Variants in GREB1L observed in about 807,000 individuals in gnomAD.
The protein encoded by GREB1L is GREB1 like retinoic acid receptor coactivator.
A neutral mutation model predicts 200.8 loss-of-function variants in GREB1L; 17 were observed. The ratio of observed to expected loss-of-function variants is 0.08; its 90% CI spans 0.06 to 0.13. The LOEUF (loss-of-function observed/expected upper bound fraction) is 0.13. Ranked by LOEUF, GREB1L falls within the 10% of genes least tolerant of loss-of-function variation. The pLI is 1.00. For missense variants in GREB1L, 1,657 were observed against 2,367.7 expected (o/e 0.70, Z 6.23); for synonymous variants, 789 against 893.0 (o/e 0.88, Z 2.08).
intron 12 of GREB1L, 129 bp downstream of exon 12, chr18:21,449,965 ATCC>A: frequency 1.3e-6 from 1 of 741,552 alleles, no homozygotes; most frequent in Non-Finnish European, 2.1e-6. Flanking sequence ...GCTTGGGCTC[ATCC>A]TCCTAATTTT....
intron 1 of GREB1L, among the ~76,000 whole-genome samples, chr18:21,252,557 GAAAA>G (rs144115588): frequency 2.6e-5 from 2 of 77,440 alleles, no homozygotes; most frequent in South Asian, 4.6e-4. Flanking sequence ...AACTCCATCT[GAAAA>G]AAAAAAAAAA....
intron 15 of GREB1L, among the ~76,000 whole-genome samples, chr18:21,467,415 AT>A (rs778419363): frequency 9.2e-5 from 14 of 152,214 alleles, no homozygotes; most frequent in Non-Finnish European, 1.9e-4. Flanking sequence ...AAATTGTTTA[AT>A]TAAGATATGG....
intron 1 of GREB1L, among the ~76,000 whole-genome samples, chr18:21,302,528 G>T (rs1393717492): frequency 6.6e-6 from 1 of 152,168 alleles, no homozygotes; most frequent in East Asian, 1.9e-4. Flanking sequence ...ATTATTTCAG[G>T]TTACTGTTTT....
chr18:21,341,828 G>A (rs958574321), intron 1 of GREB1L, among the ~76,000 whole-genome samples: 4 of 152,124 alleles, frequency 2.6e-5, no homozygotes, highest in African/African-American at 9.7e-5. Context: ...AGTGTATTAG[G>A]TGTAAGGTCT....
intron 1 of GREB1L, among the ~76,000 whole-genome samples, chr18:21,325,246 A>C (rs538540868): frequency 2.0e-4 from 30 of 152,302 alleles, no homozygotes; most frequent in African/African-American, 6.3e-4. Context: ...GTGGACATGA[A>C]CCTTCTAGTC....
intron 1 of GREB1L, among the ~76,000 whole-genome samples, chr18:21,348,125 T>G (rs2039379102): frequency 6.6e-6 from 1 of 151,772 alleles, no homozygotes; most frequent in African/African-American, 2.4e-5. Flanking sequence ...TTTTGTATTT[T>G]TATTAGAGAC....
chr18:21,462,180 T>C (rs1247234550), intron 15 of GREB1L, among the ~76,000 whole-genome samples: 1 of 152,242 alleles, frequency 6.6e-6, no homozygotes, highest in Non-Finnish European at 1.5e-5. Flanking sequence ...AGGTGCGCCC[T>C]GCTGATATCC....
At chr18:21,475,154 GC>G (rs1233778046) in intron 16 of GREB1L, among the ~76,000 whole-genome samples, 1 of 152,146 alleles carries the variant, frequency 6.6e-6, no homozygotes, top group Non-Finnish European at 1.5e-5. Context: ...AGATGAATGA[GC>G]TCCTGGAAGG....
chr18:21,514,951 TC>T (rs1202383781), intron 28 of GREB1L, among the ~76,000 whole-genome samples: 2 of 152,154 alleles, frequency 1.3e-5, no homozygotes, highest in African/African-American at 2.4e-5. Flanking sequence ...CCCCCAAAAT[TC>T]AATAGCACTC....
At chr18:21,491,578 T>C (rs2036337786) in intron 19 of GREB1L, among the ~76,000 whole-genome samples, 2 of 151,810 alleles carry the variant, frequency 1.3e-5, no homozygotes, top group Admixed American at 1.3e-4. Flanking sequence ...CCAGGTGTGG[T>C]GGCGGGTGCC....
chr18:21,405,836 A>G (rs2030142457), intron 7 of GREB1L, among the ~76,000 whole-genome samples: 1 of 152,050 alleles, frequency 6.6e-6, no homozygotes, highest in African/African-American at 2.4e-5. Context: ...ATTAAAGAAC[A>G]ATAAAACAGG....
chr18:21,358,298 G>A (rs1392292780), intron 1 of GREB1L, among the ~76,000 whole-genome samples: 1 of 151,880 alleles, frequency 6.6e-6, no homozygotes, highest in Non-Finnish European at 1.5e-5. Flanking sequence ...AACAGTTATT[G>A]TATGTTCTCT....
intron 4 of GREB1L, among the ~76,000 whole-genome samples, chr18:21,388,880 G>C (rs910196721): frequency 6.6e-6 from 1 of 152,002 alleles, no homozygotes; most frequent in African/African-American, 2.4e-5. Flanking sequence ...ATTAGATTGA[G>C]GTTATGGGAT....
intron 7 of GREB1L, among the ~76,000 whole-genome samples, chr18:21,421,327 A>G (rs915168256): frequency 1.3e-5 from 2 of 152,224 alleles, no homozygotes; most frequent in African/African-American, 4.8e-5. Context: ...GATTAGGAAG[A>G]TACCTGATTT....
chr18:21,485,112 GTGGA>G (rs1204452873), intron 17 of GREB1L, among the ~76,000 whole-genome samples: 1 of 152,186 alleles, frequency 6.6e-6, no homozygotes, highest in African/African-American at 2.4e-5. Context: ...GTTAAATACT[GTGGA>G]TCCTGTTAAA....
intron 18 of GREB1L, among the ~76,000 whole-genome samples, chr18:21,489,806 T>C (rs1342488510): frequency 1.3e-5 from 2 of 152,162 alleles, no homozygotes; most frequent in African/African-American, 4.8e-5. Flanking sequence ...GCTGTACTTA[T>C]CCCAACAGGT....
At chr18:21,384,677 C>A (rs1471311573) in intron 4 of GREB1L, among the ~76,000 whole-genome samples, 1 of 152,116 alleles carries the variant, frequency 6.6e-6, no homozygotes, top group Non-Finnish European at 1.5e-5. Context: ...ATTGCAGAGG[C>A]AATTCTAAAC....
intron 7 of GREB1L, among the ~76,000 whole-genome samples, chr18:21,415,007 G>A (rs1377414670): frequency 6.6e-6 from 1 of 152,156 alleles, no homozygotes; most frequent in Admixed American, 6.5e-5. Flanking sequence ...TATAGGGAGA[G>A]GAAAGTGGTA....
intron 1 of GREB1L, among the ~76,000 whole-genome samples, chr18:21,295,645 G>A (rs1567925883): frequency 6.6e-6 from 1 of 152,218 alleles, no homozygotes; most frequent in Non-Finnish European, 1.5e-5. Flanking sequence ...ATATGCAGGA[G>A]TATAATAAAC....
Sources: gnomAD v4.1 joint callset for allele counts (sites outside exome capture counted in the v4.1 genomes callset) on GRCh38, gnomAD v4.1.1 for gene constraint, MANE v1.5 for transcripts, NCBI Gene and HGNC (gene_info 2026-07-23, HGNC 2026-07-21) for gene names.